The following TRAPPC9 variants were observed in gnomAD, a reference collection of about 807,000 sequenced individuals.
TRAPPC9 encodes the protein IKK2 binding protein.
Under a neutral mutation model 124.0 loss-of-function variants are expected in TRAPPC9, and 83 were observed. The observed-to-expected ratio is 0.67, with a 90% CI of 0.56 to 0.80. The LOEUF is 0.80. Ranked by LOEUF, TRAPPC9 falls within the 30% of genes least tolerant of loss-of-function variation. The pLI is 0.00. For synonymous variants in TRAPPC9, 638 were observed against 617.5 expected, an observed-to-expected ratio of 1.03 and a Z score of -0.49; for missense variants, 1,302 against 1,508.3, an observed-to-expected ratio of 0.86 and a Z score of 2.27.
rs548248681 is a variant in TRAPPC9, at chr8:139,775,344, G to A, written c.3056-43142C>T. On this transcript the variant is annotated intron_variant, in intron 21 of 22. Coordinates refer to ENST00000438773, the MANE Select transcript of TRAPPC9 (RefSeq NM_001160372.4). ...AATATTGGTCTCTGGAGACCGAGCC[G>A]AGCCCTGATTATTCATTCCCTTTGT... is the stretch of plus-strand genomic sequence containing the variant. 5.3e-5 allele frequency among the ~76,000 whole-genome samples: 8 copies of A among 152,248 alleles called. No individual in the cohort carries two copies. The East Asian group carries it at 5.8e-4, about 11-fold the overall frequency.
rs114349630 is a variant in TRAPPC9 at position 140,324,061 on chromosome 8, G to A, written c.1496-12687C>T. On this transcript the variant is annotated intron_variant, in intron 9 of 22. Coordinates refer to ENST00000438773, the MANE Select transcript of TRAPPC9 (RefSeq NM_001160372.4). ...CCTCACCCCCTCCCACCCTTTCCCC[G>A]GAGTCCCCAAAGTCCGTTGTATCAT... 7.7e-3 allele frequency among the ~76,000 whole-genome samples: 1,167 copies of A among 151,394 alleles called. 13 individuals are homozygous for A. Among genetic ancestry groups the A allele is most frequent in the African/African-American group, 0.025 (1,046 of 41,318 alleles).
At chr8:140,370,691 G>A (rs981902154) in intron 8 of TRAPPC9, among the ~76,000 whole-genome samples, 15 of 152,192 alleles carry the variant, frequency 9.9e-5, no homozygotes, top group Admixed American at 3.3e-4. Context: ...TACTTCCACT[G>A]TTTGATTGAT....
chr8:139,913,009 C>T (rs1167975897), intron 19 of TRAPPC9, among the ~76,000 whole-genome samples: 2 of 152,220 alleles, frequency 1.3e-5, no homozygotes, highest in Non-Finnish European at 2.9e-5. Context: ...TTGAGTTTGA[C>T]AACAGTACCA....
In TRAPPC9 at chr8:139,786,671, C is replaced by G. The variant is rs1822274699; in HGVS notation, c.3056-54469G>C. On this transcript the variant is annotated intron_variant, in intron 21 of 22. Transcript: ENST00000438773. Reference sequence around the variant, plus strand: ...AACTGGAAGCAAGCCAAGTGTCTATCAAGTGAGTGGATCAGAACTGTTATG... The same window carrying G: ...AACTGGAAGCAAGCCAAGTGTCTATGAAGTGAGTGGATCAGAACTGTTATG... Among the ~76,000 whole-genome samples the G allele has an allele frequency of 2.0e-5, 3 of 152,190 alleles. No homozygotes were observed. In the South Asian group the frequency reaches 6.2e-4, roughly 32 times the overall value.
rs75826677 is a variant in TRAPPC9, at chr8:140,268,897, C to T, written c.2278+6761G>A. ...AAGCATCTCCCTTGGAATTCTGTCC[C>T]GCTGCCACAGTGCTCCCCACCTTCT... On this transcript the variant is annotated intron_variant, in intron 15 of 22. Transcript: ENST00000438773. Among the ~76,000 whole-genome samples the T allele has an allele frequency of 7.9e-3, 1,203 of 152,240 alleles. 19 individuals carry two copies. The highest frequency in any genetic ancestry group is 0.028 in the African/African-American group (1,146 of 41,542).
At chr8:139,774,305 G>A (rs951966375) in intron 21 of TRAPPC9, among the ~76,000 whole-genome samples, 2 of 152,242 alleles carry the variant, frequency 1.3e-5, no homozygotes, top group Non-Finnish European at 2.9e-5. Flanking sequence ...GGCTCTGGAA[G>A]GGGCTCAGGA....
intron 17 of TRAPPC9, among the ~76,000 whole-genome samples, chr8:140,033,683 T>TTTTTG (rs1840683867): frequency 1.7e-5 from 2 of 118,002 alleles, no homozygotes; most frequent in South Asian, 3.0e-4. Context: ...TTTTTTTTTT[T>TTTTTG]TTTTTTTTTT....
chr8:140,373,108 C>T (rs1466881905), intron 7 of TRAPPC9, among the ~76,000 whole-genome samples: 2 of 152,234 alleles, frequency 1.3e-5, no homozygotes, highest in Non-Finnish European at 2.9e-5. Flanking sequence ...TGAACCCCTA[C>T]TCTGGTGCCA....
chr8:139,940,924 T>A (rs746988563), intron 19 of TRAPPC9, among the ~76,000 whole-genome samples: 6 of 152,008 alleles, frequency 3.9e-5, no homozygotes, highest in Non-Finnish European at 7.4e-5. Flanking sequence ...GCTGTGGGTG[T>A]CCCCAGGCAT....
intron 9 of TRAPPC9, among the ~76,000 whole-genome samples, chr8:140,344,941 T>C (rs2067294791): frequency 1.3e-5 from 2 of 152,256 alleles, no homozygotes; most frequent in South Asian, 4.1e-4. Flanking sequence ...CCTCCAGGAC[T>C]TCCTGATGTA....
At chr8:140,092,403 G>A (rs1844632394) in intron 17 of TRAPPC9, among the ~76,000 whole-genome samples, 1 of 151,896 alleles carries the variant, frequency 6.6e-6, no homozygotes, top group Admixed American at 6.6e-5. Context: ...CACCATGTTG[G>A]CCAGGCTGGT....
rs879550534 is a variant in TRAPPC9 at position 140,122,021 on chromosome 8, CTT to C, written c.2557-97944_2557-97943del. 2.3e-3 allele frequency among the ~76,000 whole-genome samples: 318 copies of C among 140,908 alleles called. 2 individuals are homozygous for C. Among genetic ancestry groups the C allele is most frequent in the South Asian group, 0.015 (67 of 4,520 alleles). 92.4% of individuals were successfully genotyped at this position (140,908 alleles called of 152,430 possible). On this transcript the variant is annotated intron_variant, in intron 17 of 22. Coordinates refer to ENST00000438773, the MANE Select transcript of TRAPPC9 (RefSeq NM_001160372.4). ...CTGGAGTCCATCTCTTTCTTTCTTTCTTTCTCTCTCTCTCTCTCTCTCTCTCT... is the reference window on the plus strand; with the variant it reads ...CTGGAGTCCATCTCTTTCTTTCTTTCTCTCTCTCTCTCTCTCTCTCTCTCT...
intron 19 of TRAPPC9, among the ~76,000 whole-genome samples, chr8:139,977,665 ATT>A: frequency 3.1e-4 from 1 of 3,212 alleles, no homozygotes; most frequent in Non-Finnish European, 1.1e-3. Flanking sequence ...CCTCCTCCTC[ATT>A]CATTCATTCA....
chr8:140,009,760 T>C (rs1376059737), intron 18 of TRAPPC9, among the ~76,000 whole-genome samples: 2 of 152,266 alleles, frequency 1.3e-5, no homozygotes, highest in Non-Finnish European at 2.9e-5. Flanking sequence ...CCCCCTGCTA[T>C]GCTGATGTTT....
At chr8:139,822,395 G>A (rs1005858288) in intron 21 of TRAPPC9, among the ~76,000 whole-genome samples, 1 of 152,176 alleles carries the variant, frequency 6.6e-6, no homozygotes, top group African/African-American at 2.4e-5. Context: ...GTGCTCATGT[G>A]CTCCGAGAGA....
intron 21 of TRAPPC9, among the ~76,000 whole-genome samples, chr8:139,817,297 C>A (rs1470721568): frequency 6.6e-6 from 1 of 152,216 alleles, no homozygotes; most frequent in Non-Finnish European, 1.5e-5. Context: ...TATATTTCCA[C>A]ATGCCATGCA....
intron 4 of TRAPPC9, among the ~76,000 whole-genome samples, chr8:140,432,862 A>G (rs1302761916): frequency 6.6e-6 from 1 of 150,752 alleles, no homozygotes; most frequent in Admixed American, 6.6e-5. Context: ...ACAGAGCAAG[A>G]CTCTGTATCA....
chr8:139,841,561 C>T (rs993846934), intron 21 of TRAPPC9, among the ~76,000 whole-genome samples: 7 of 152,258 alleles, frequency 4.6e-5, no homozygotes, highest in Non-Finnish European at 1.0e-4. Flanking sequence ...AGTGCAGGCT[C>T]TGGCCAATCC....
intron 21 of TRAPPC9, among the ~76,000 whole-genome samples, chr8:139,774,014 G>C (rs1441915855): frequency 6.6e-6 from 1 of 152,312 alleles, no homozygotes; most frequent in Admixed American, 6.5e-5. Context: ...AGAGGAGCAC[G>C]GTGCTGAGCT....
Sources: gnomAD v4.1 joint callset for allele counts (sites outside exome capture counted in the v4.1 genomes callset) on GRCh38, gnomAD v4.1.1 for gene constraint, MANE v1.5 for transcripts, NCBI Gene and HGNC (gene_info 2026-07-23, HGNC 2026-07-21) for gene names.